HMCN1: variants seen among roughly 807,000 people sequenced by gnomAD.
HMCN1 encodes the protein hemicentin-1.
A neutral mutation model predicts 625.9 loss-of-function variants in HMCN1; 321 were observed. The ratio of observed to expected loss-of-function variants is 0.51; its 90% CI spans 0.47 to 0.56. HMCN1 has a LOEUF of 0.56. Ranked by LOEUF, HMCN1 falls within the 20% of genes least tolerant of loss-of-function variation. The probability of loss-of-function intolerance (pLI) is 0.00; values close to 1 mark genes in which losing one functional copy is unlikely to be tolerated. For missense variants in HMCN1, 6,588 were observed against 6,887.3 expected (o/e 0.96, Z 1.54); for synonymous variants, 2,425 against 2,417.6 (o/e 1.00, Z -0.09).
intron 4 of HMCN1, among the ~76,000 whole-genome samples, chr1:185,869,889 C>T (rs1439450883): frequency 6.6e-6 from 1 of 152,104 alleles, no homozygotes; most frequent in Non-Finnish European, 1.5e-5. Context: ...CAAGACTCTT[C>T]ATCTACTGTT....
At position 186,053,868 on chromosome 1, in the gene HMCN1, A is replaced by T. The variant is rs765779034; in HGVS notation, c.6744A>T (p.Leu2248Phe). Residue 2248 changes from leucine (L) to phenylalanine (F), a missense_variant, in exon 44 of 107, where the codon TTA becomes TTT. Physicochemically the swap from Leu to Phe is conservative, Grantham distance 22. Coordinates refer to ENST00000271588, the MANE Select transcript of HMCN1 (RefSeq NM_031935.3). ...LTDSMGRVRI[L>F]SGGRQLQISI... ...ATTCCATGGGGCGAGTTAGAATTTT[A>T]TCTGGGGGCAGGCAATTACAAATTT... 8.7e-6 allele frequency: 14 copies of T among 1,612,736 alleles called. No individual in the cohort carries two copies. The Admixed American group carries it at 2.3e-4, about 27-fold the overall frequency.
chr1:186,107,550 A>G (rs1345588249), intron 70 of HMCN1, among the ~76,000 whole-genome samples: 1 of 152,230 alleles, frequency 6.6e-6, no homozygotes, highest in African/African-American at 2.4e-5. Flanking sequence ...CTTTTATCTC[A>G]ATGGTTTGGT....
chr1:186,121,806 A>C (rs150993549), intron 80 of HMCN1, among the ~76,000 whole-genome samples: 110 of 152,290 alleles, frequency 7.2e-4, no homozygotes, highest in Non-Finnish European at 6.5e-4. Flanking sequence ...GTGTACAGAA[A>C]AGATTGGCAA....
At chr1:186,180,485 G>GT (rs758178852) in intron 104 of HMCN1, among the ~76,000 whole-genome samples, 8 of 152,100 alleles carry the variant, frequency 5.3e-5, no homozygotes, top group Non-Finnish European at 8.8e-5. Flanking sequence ...CCATTAGCTG[G>GT]TTTCTTCCAA....
intron 1 of HMCN1, among the ~76,000 whole-genome samples, chr1:185,838,877 T>G (rs1406041999): frequency 1.3e-5 from 2 of 152,212 alleles, no homozygotes; most frequent in African/African-American, 4.8e-5. Flanking sequence ...GCCTGTTTGT[T>G]GAATGAATTG....
At chr1:185,860,157 T>C (rs1172094481) in intron 2 of HMCN1, among the ~76,000 whole-genome samples, 2 of 152,218 alleles carry the variant, frequency 1.3e-5, no homozygotes, top group African/African-American at 4.8e-5. Flanking sequence ...TATTAAGATA[T>C]GAATTATTAG....
rs373822941 is a variant in HMCN1, at chr1:186,160,275, A to C, written c.15257-4836A>C. Among the ~76,000 whole-genome samples the C allele has an allele frequency of 3.9e-4, 57 of 145,454 alleles. No individual in the cohort carries two copies. The East Asian group carries it at 0.011, about 29-fold the overall frequency. ...TGGGATCGGTGGTGATATCCCCTTT[A>C]TCATTTTTTATTGCGTCTATTTGAT... On this transcript the variant is annotated intron_variant, in intron 97 of 106. Coordinates refer to ENST00000271588, the MANE Select transcript of HMCN1 (RefSeq NM_031935.3).
chr1:185,988,699 A>C (rs776003092), intron 20 of HMCN1, among the ~76,000 whole-genome samples: 7 of 152,212 alleles, frequency 4.6e-5, no homozygotes, highest in Non-Finnish European at 1.0e-4. Flanking sequence ...CTTGGGCTCT[A>C]GAGCCTCGCT....
chr1:185,800,701 G>T (rs1431154803), intron 1 of HMCN1, among the ~76,000 whole-genome samples: 1 of 151,968 alleles, frequency 6.6e-6, no homozygotes, highest in Non-Finnish European at 1.5e-5. Context: ...TAAAGTATTT[G>T]AATTAACCAT....
At chr1:185,891,993 G>A (rs1665125955) in intron 4 of HMCN1, among the ~76,000 whole-genome samples, 1 of 151,222 alleles carries the variant, frequency 6.6e-6, no homozygotes, top group African/African-American at 2.5e-5. Flanking sequence ...CACATTTCTT[G>A]GAGGTTTTGC....
chr1:186,152,666 G>A, intron 95 of HMCN1, 84 bp from the exon 96 acceptor site: 1 of 1,547,418 alleles, frequency 6.5e-7, no homozygotes, highest in Admixed American at 1.7e-5. Context: ...AAGCATAGCT[G>A]AACTGGTATG....
chr1:186,116,818 G>T (rs1231664238), intron 75 of HMCN1, among the ~76,000 whole-genome samples, 176 bp from the exon 76 acceptor site: 1 of 152,124 alleles, frequency 6.6e-6, no homozygotes, highest in African/African-American at 2.4e-5. Context: ...GAAAGCCACT[G>T]CCATACAAAC....
chr1:186,138,725 T>C (rs1173393890), intron 89 of HMCN1, among the ~76,000 whole-genome samples: 1 of 152,172 alleles, frequency 6.6e-6, no homozygotes, highest in African/African-American at 2.4e-5. Flanking sequence ...AGAATTCGTA[T>C]CAGTCTCTGG....
chr1:186,117,200 T>C, intron 76 of HMCN1, 85 bp downstream of exon 76: 2 of 1,084,566 alleles, frequency 1.8e-6, no homozygotes, highest in East Asian at 3.1e-5. Flanking sequence ...ATCCCTTTTC[T>C]TTTTTTTTTT....
intron 53 of HMCN1, among the ~76,000 whole-genome samples, chr1:186,075,908 T>C (rs763995876): frequency 6.6e-6 from 1 of 152,192 alleles, no homozygotes; most frequent in Non-Finnish European, 1.5e-5. Context: ...CTTTTAATGC[T>C]TTTGATGTGC....
intron 1 of HMCN1, among the ~76,000 whole-genome samples, chr1:185,797,238 A>G (rs1447788291): frequency 6.6e-6 from 1 of 152,090 alleles, no homozygotes; most frequent in African/African-American, 2.4e-5. Flanking sequence ...GATTCTGGAT[A>G]TTAGTCCTTT....
At chr1:185,972,485 T>C (rs999381943) in intron 15 of HMCN1, among the ~76,000 whole-genome samples, 1 of 152,210 alleles carries the variant, frequency 6.6e-6, no homozygotes, top group Non-Finnish European at 1.5e-5. Context: ...TATTTTATCT[T>C]CACTTATACT....
chr1:185,983,457 G>C (rs1414352769), intron 18 of HMCN1, among the ~76,000 whole-genome samples: 1 of 152,110 alleles, frequency 6.6e-6, no homozygotes, highest in African/African-American at 2.4e-5. Context: ...TTAAAAAAAA[G>C]TGAATTGACT....
At chr1:185,795,301 G>A (rs1239232068) in intron 1 of HMCN1, among the ~76,000 whole-genome samples, 1 of 152,140 alleles carries the variant, frequency 6.6e-6, no homozygotes, top group East Asian at 1.9e-4. Context: ...TCCAAGAAAT[G>A]TACATTTTTA....
Sources: gnomAD v4.1 joint callset for allele counts (sites outside exome capture counted in the v4.1 genomes callset) on GRCh38, gnomAD v4.1.1 for gene constraint, MANE v1.5 for transcripts, NCBI Gene and HGNC (gene_info 2026-07-23, HGNC 2026-07-21) for gene names.